The following CACNA2D3 variants were observed in gnomAD, a reference collection of about 807,000 sequenced individuals.
CACNA2D3 encodes voltage-dependent calcium channel subunit alpha-2/delta-3.
Under a neutral mutation model 160.6 loss-of-function variants are expected in CACNA2D3, and 60 were observed. The observed-to-expected ratio is 0.37, with a 90% CI of 0.30 to 0.46. CACNA2D3 has a LOEUF of 0.46. Among genes scored for constraint, CACNA2D3 ranks in the 20% least tolerant of loss-of-function variants. The pLI is 1.00. For missense variants in CACNA2D3, 1,205 were observed against 1,365.0 expected (o/e 0.88, Z 1.85); for synonymous variants, 558 against 492.9 (o/e 1.13, Z -1.75).
chr3:54,494,631 A>G (rs1701174423), intron 4 of CACNA2D3, among the ~76,000 whole-genome samples: 1 of 152,200 alleles, frequency 6.6e-6, no homozygotes, highest in African/African-American at 2.4e-5. Context: ...GCTTTGGTCT[A>G]TGGAAGATTA....
At chr3:54,967,688 T>A (rs567852797) in intron 27 of CACNA2D3, among the ~76,000 whole-genome samples, 13 of 152,250 alleles carry the variant, frequency 8.5e-5, no homozygotes, top group African/African-American at 3.1e-4. Flanking sequence ...CCTGAGATGG[T>A]TTCAGGTCTT....
At chr3:54,378,170 A>G (rs748300748) in intron 3 of CACNA2D3, among the ~76,000 whole-genome samples, 3 of 152,096 alleles carry the variant, frequency 2.0e-5, no homozygotes, top group African/African-American at 7.2e-5. Flanking sequence ...GCGGTCCCCA[A>G]CCTTTTTGGC....
intron 2 of CACNA2D3, among the ~76,000 whole-genome samples, chr3:54,207,962 C>T (rs1229889241): frequency 1.1e-4 from 16 of 152,202 alleles, no homozygotes; most frequent in African/African-American, 3.6e-4. Context: ...CCCTGCCACT[C>T]GAGTCCAGTG....
intron 20 of CACNA2D3, 111 bp from the exon 21 acceptor site, chr3:54,880,684 TG>T: frequency 1.1e-6 from 1 of 950,704 alleles, no homozygotes; most frequent in Non-Finnish European, 1.7e-6. Context: ...GAAAAATTGT[TG>T]ACAGATCATA....
intron 2 of CACNA2D3, among the ~76,000 whole-genome samples, chr3:54,298,881 GCT>G (rs1310149803): frequency 2.7e-5 from 4 of 146,782 alleles, no homozygotes; most frequent in African/African-American, 1.0e-4. Flanking sequence ...GGATGTCGAG[GCT>G]GCAGTGAGCT....
intron 11 of CACNA2D3, among the ~76,000 whole-genome samples, chr3:54,644,772 T>C (rs1315746022): frequency 5.3e-5 from 8 of 152,250 alleles, no homozygotes; most frequent in Admixed American, 5.2e-4. Context: ...GCTGAGAGTT[T>C]GCATTTCTAA....
chr3:54,478,553 A>C (rs1473565665), intron 4 of CACNA2D3, among the ~76,000 whole-genome samples: 1 of 146,932 alleles, frequency 6.8e-6, no homozygotes, highest in Non-Finnish European at 1.5e-5. Flanking sequence ...AATGGTGTGA[A>C]CCTGGGAGGC....
At chr3:54,944,212 G>T (rs1701550551) in intron 27 of CACNA2D3, among the ~76,000 whole-genome samples, 1 of 151,976 alleles carries the variant, frequency 6.6e-6, no homozygotes, top group Non-Finnish European at 1.5e-5. Flanking sequence ...TTCATTCATT[G>T]TGCTGAGGAC....
At chr3:54,818,906 TGAA>T (rs898094914) in intron 14 of CACNA2D3, among the ~76,000 whole-genome samples, 3 of 152,204 alleles carry the variant, frequency 2.0e-5, no homozygotes, top group African/African-American at 4.8e-5. Context: ...TTCAGCTCTT[TGAA>T]GAAGGAGTTT....
chr3:54,623,000 A>G (rs1252727290), intron 9 of CACNA2D3, among the ~76,000 whole-genome samples: 1 of 152,184 alleles, frequency 6.6e-6, no homozygotes, highest in Non-Finnish European at 1.5e-5. Flanking sequence ...GAGGAAGATC[A>G]TTTTAATGCA....
At chr3:55,042,891 G>C (rs1038065224) in intron 35 of CACNA2D3, among the ~76,000 whole-genome samples, 3 of 152,148 alleles carry the variant, frequency 2.0e-5, no homozygotes, top group Non-Finnish European at 2.9e-5. Flanking sequence ...GAATCATACA[G>C]AATATAGCCT....
At chr3:54,829,464 CTTTG>C (rs560050975) in intron 14 of CACNA2D3, among the ~76,000 whole-genome samples, 20 of 152,152 alleles carry the variant, frequency 1.3e-4, no homozygotes, top group Admixed American at 7.9e-4. Flanking sequence ...GGTGCAGAGA[CTTTG>C]TTTGGGGAAG....
At chr3:54,675,456 T>C (rs1187282665) in intron 11 of CACNA2D3, among the ~76,000 whole-genome samples, 1 of 152,088 alleles carries the variant, frequency 6.6e-6, no homozygotes, top group Non-Finnish European at 1.5e-5. Flanking sequence ...ACCTTTTCTG[T>C]TGACAGAGGA....
chr3:54,619,909 C>T (rs749828054), intron 9 of CACNA2D3, among the ~76,000 whole-genome samples: 5 of 152,132 alleles, frequency 3.3e-5, no homozygotes, highest in Admixed American at 2.6e-4. Context: ...AGACTCATCC[C>T]AGGTTGAGGT....
chr3:54,685,048 G>A (rs1056481565), intron 11 of CACNA2D3, among the ~76,000 whole-genome samples: 23 of 152,140 alleles, frequency 1.5e-4, no homozygotes, highest in Admixed American at 1.2e-3. Flanking sequence ...CTGCATGTGC[G>A]TCTTGGCAGC....
intron 27 of CACNA2D3, among the ~76,000 whole-genome samples, chr3:54,941,924 T>A (rs1701477795): frequency 6.6e-6 from 1 of 152,174 alleles, no homozygotes. Flanking sequence ...TGGGATAAAC[T>A]TCAACCTCGT....
At chr3:54,245,933 TG>T (rs1283163291) in intron 2 of CACNA2D3, among the ~76,000 whole-genome samples, 1 of 152,246 alleles carries the variant, frequency 6.6e-6, no homozygotes, top group Non-Finnish European at 1.5e-5. Context: ...CCAAGCAATC[TG>T]CCCACTTAGG....
At chr3:54,874,234 G>A (rs1699609737) in intron 18 of CACNA2D3, among the ~76,000 whole-genome samples, 1 of 152,176 alleles carries the variant, frequency 6.6e-6, no homozygotes, top group Non-Finnish European at 1.5e-5. Flanking sequence ...ATTTATAGCA[G>A]TATGAGCAGG....
At chr3:54,985,465 TA>T (rs1207028011) in intron 30 of CACNA2D3, among the ~76,000 whole-genome samples, 7 of 152,230 alleles carry the variant, frequency 4.6e-5, no homozygotes, top group African/African-American at 1.7e-4. Context: ...GTGCATATAA[TA>T]AAGTAACGCC....
Sources: allele counts gnomAD v4.1 joint callset (sites outside exome capture counted in the v4.1 genomes callset), GRCh38; gene constraint gnomAD v4.1.1; transcripts MANE v1.5; gene names NCBI Gene and HGNC (gene_info 2026-07-23, HGNC 2026-07-21).